Variants in ADCY7 observed in about 807,000 individuals in gnomAD.
ADCY7 encodes the protein adenylate cyclase 7, also known as adenylate cyclase type 7.
A neutral mutation model predicts 120.6 loss-of-function variants in ADCY7; 72 were observed. The ratio of observed to expected loss-of-function variants is 0.60; its 90% confidence interval spans 0.49 to 0.73. The LOEUF (loss-of-function observed/expected upper bound fraction) is 0.73. Among genes scored for constraint, ADCY7 ranks in the 30% least tolerant of loss-of-function variants. The pLI, the probability that ADCY7 is intolerant of heterozygous loss-of-function variation, is 0.00. For missense variants in ADCY7, 1,227 were observed against 1,486.0 expected (o/e 0.83, Z 2.87); for synonymous variants, 661 against 628.0 (o/e 1.05, Z -0.78).
chr16:50,251,268 A>G (rs2032749136), intron 1 of ADCY7, among the ~76,000 whole-genome samples: 1 of 152,118 alleles, frequency 6.6e-6, no homozygotes, highest in Admixed American at 6.5e-5. Context: ...AAAGAAAAAA[A>G]AGCCTGTCTT....
rs188613986 is a variant in ADCY7 at position 50,316,567 on chromosome 16, G to A, written c.*1062G>A. 6.6e-6 allele frequency: 1 copy of A among 152,410 alleles called. No homozygotes were observed. The highest frequency in any genetic ancestry group is 1.9e-4 in the East Asian group (1 of 5,324). The allele number at this position is 152,410 out of a possible 1,614,324, so 9.4% of individuals were successfully genotyped here. On this transcript the variant is annotated 3_prime_UTR_variant, in exon 26 of 26. Coordinates refer to ENST00000673801, the MANE Select transcript of ADCY7 (RefSeq NM_001114.5). ...ACTCTGGAGAGCTTCAAAACTAGAAGGATCTACTCCGCATGGGTGCATGCA... is the reference window on the plus strand; with the variant it reads ...ACTCTGGAGAGCTTCAAAACTAGAAAGATCTACTCCGCATGGGTGCATGCA...
rs762360875 is a variant in ADCY7, at chr16:50,315,533, G to A, written c.*28G>A. On this transcript the variant is annotated 3_prime_UTR_variant, in exon 26 of 26. Transcript: ENST00000673801. ...GCTCCTGCTGGATTCCGAAAAGGCC[G>A]GGAAGCCAGTCTCCTTCCCTGAAGC... The A allele has an allele frequency of 6.5e-5, 103 of 1,595,406 alleles. 1 individual carries two copies. Among genetic ancestry groups the A allele is most frequent in the South Asian group, 2.6e-4 (24 of 90,716 alleles).
chr16:50,274,567 AG>A (rs2033766205), intron 1 of ADCY7, among the ~76,000 whole-genome samples: 1 of 152,088 alleles, frequency 6.6e-6, no homozygotes, highest in South Asian at 2.1e-4. Flanking sequence ...TCGGGTTCTC[AG>A]GAAGCCTCGG....
chr16:50,249,445 AAAC>A lies in ADCY7; in HGVS notation c.-64+3269_-64+3271del, dbSNP rs57815436. ...GGGCGACAGAGCAAGACTCCGTCTA[AAAC>A]AACAACAACAACAACAACAACAACA... is the stretch of plus-strand genomic sequence containing the variant. On this transcript the variant is annotated intron_variant, in intron 1 of 4. Coordinates refer to the ADCY7 transcript ENST00000564044. Among the ~76,000 whole-genome samples the A allele has an allele frequency of 8.3e-3, 1,245 of 150,156 alleles. 17 individuals are homozygous for A. Among genetic ancestry groups the A allele is most frequent in the African/African-American group, 0.027 (1,087 of 40,932 alleles).
At chr16:50,249,650 C>A (rs1186540939) in intron 1 of ADCY7, among the ~76,000 whole-genome samples, 1 of 152,234 alleles carries the variant, frequency 6.6e-6, no homozygotes, top group Non-Finnish European at 1.5e-5. Context: ...GCACTCCTGG[C>A]CCCAGCCCTC....
At chr16:50,314,444 C>T (rs370782540) in intron 24 of ADCY7, 38 bp downstream of exon 24, 75 of 1,523,886 alleles carry the variant, frequency 4.9e-5, no homozygotes, top group Non-Finnish European at 6.7e-5. Context: ...GGAGCCCCTG[C>T]CTCTAGGCCA....
At chr16:50,247,655 C>T (rs2032633327) in intron 1 of ADCY7, among the ~76,000 whole-genome samples, 2 of 148,334 alleles carry the variant, frequency 1.3e-5, no homozygotes, top group Admixed American at 1.4e-4. Context: ...GCTGAGATTA[C>T]AGGTGTGAGC....
upstream of ADCY7, among the ~76,000 whole-genome samples, chr16:50,265,124 A>G (rs2033163571): frequency 6.6e-6 from 1 of 152,166 alleles, no homozygotes; most frequent in Non-Finnish European, 1.5e-5. Flanking sequence ...GGCATGAGCC[A>G]CCATGCCAAG....
Position 50,291,631 on chromosome 16 carries a change from A to G in ADCY7, c.376-105A>G, listed in dbSNP as rs1197845911. 3.6e-6 allele frequency: 5 copies of G among 1,387,230 alleles called. No individual in the cohort carries two copies. The South Asian group carries it at 3.6e-5, about 10-fold the overall frequency. The allele number at this position is 1,387,230 out of a possible 1,614,324, so 85.9% of individuals were successfully genotyped here. On this transcript the variant is annotated intron_variant, in intron 3 of 25. Transcript: ENST00000673801. ...CACGCAGGGGGTGGCGAGGGAGCCAACCTAAGGATACGCACTGGGTGGGCT... is the reference window on the plus strand; with the variant it reads ...CACGCAGGGGGTGGCGAGGGAGCCAGCCTAAGGATACGCACTGGGTGGGCT...
intron 1 of ADCY7, among the ~76,000 whole-genome samples, chr16:50,246,897 G>T (rs922613945): frequency 6.6e-6 from 1 of 152,234 alleles, no homozygotes; most frequent in Non-Finnish European, 1.5e-5. Context: ...TCCCTCAAAG[G>T]CCAGGAACTC....
In ADCY7 at chr16:50,297,261, CCTCT is replaced by C. The variant is rs80235531; in HGVS notation, c.949-1639_949-1636del. Among the ~76,000 whole-genome samples, 71,573 of 151,692 alleles carry C rather than the reference CCTCT, an allele frequency of 0.47. 17,345 individuals carry two copies. The highest frequency in any genetic ancestry group is 0.58 in the Middle Eastern group (170 of 294). On this transcript the variant is annotated intron_variant, in intron 7 of 25. Coordinates refer to ENST00000673801, the MANE Select transcript of ADCY7 (RefSeq NM_001114.5). The surrounding 1 kb of genome is among the most constrained non-coding windows in gnomAD (Gnocchi z 4.4). The stretch of plus-strand genomic sequence containing the variant: ...AAGCTCTTTCCAAGAGCCAGGGCCT[CCTCT>C]CTCAGAGGCATACAAGTCACACCTC...
At chr16:50,310,987 C>G in intron 19 of ADCY7, 107 bp downstream of exon 19, 1 of 1,166,380 alleles carries the variant, frequency 8.6e-7, no homozygotes, top group Non-Finnish European at 1.2e-6. Flanking sequence ...GGGCACCTTG[C>G]AGGGCGGGGC....
chr16:50,270,032 A>G (rs2033455159), intron 1 of ADCY7, among the ~76,000 whole-genome samples: 1 of 152,094 alleles, frequency 6.6e-6, no homozygotes, highest in African/African-American at 2.4e-5. Flanking sequence ...CTAGGAAAAA[A>G]TTACAAATAT....
rs1052366165 is a variant in ADCY7 at position 50,316,474 on chromosome 16, G to A, written c.*969G>A. The A allele has an allele frequency of 5.3e-5, 8 of 152,330 alleles. No individual in the cohort carries two copies. Among genetic ancestry groups the A allele is most frequent in the African/African-American group, 1.7e-4 (7 of 41,444 alleles). 9.4% of individuals were successfully genotyped at this position (152,330 alleles called of 1,614,324 possible). ...TTACTTTTCTTACCAGAAAGGAATGGAGTCTGTTTAGAGACAACTTGGACA... is the reference window on the plus strand; with the variant it reads ...TTACTTTTCTTACCAGAAAGGAATGAAGTCTGTTTAGAGACAACTTGGACA... On this transcript the variant is annotated 3_prime_UTR_variant, in exon 26 of 26. Transcript: ENST00000673801.
rs151277036 is a variant in ADCY7 at position 50,290,599 on chromosome 16, T to C, written c.314T>C (p.Val105Ala). ...GCGCTGCTCACCTGGGCCTGCTTGG[T>C]GGCGCTGGGCTATGTGCTGGTGTTC... ...ALALLTWACL[V>A]ALGYVLVFDA... is the part of the protein sequence containing the mutation. The change falls in exon 3 of 26, where the codon GTG (valine) becomes GCG (alanine). Residue 105 changes from valine (V) to alanine (A), a missense_variant. Physicochemically the swap from Val to Ala is moderately conservative, Grantham distance 64. Transcript: ENST00000673801. The C allele has an allele frequency of 6.9e-5, 112 of 1,614,128 alleles. No homozygotes were observed. In the African/African-American group the frequency reaches 1.4e-3, roughly 20 times the overall value.
rs1050900043 is a variant in ADCY7 at position 50,316,744 on chromosome 16, CTG to C, written c.*1241_*1242del. 2.6e-5 allele frequency: 4 copies of C among 152,376 alleles called. No individual in the cohort carries two copies. Among genetic ancestry groups the C allele is most frequent in the African/African-American group, 9.6e-5 (4 of 41,464 alleles). The allele number at this position is 152,376 out of a possible 1,614,324, so 9.4% of individuals were successfully genotyped here. A position where few individuals can be genotyped will look rare whatever the true frequency, so the allele number is the denominator to read the frequency against. ...CCCAAGGAATTGAAAGTCAACCTAA[CTG>C]TAACAACAGGGTGAGAAATGACCAA... On this transcript the variant is annotated 3_prime_UTR_variant, in exon 26 of 26. Coordinates refer to ENST00000673801, the MANE Select transcript of ADCY7 (RefSeq NM_001114.5).
In ADCY7 at chr16:50,303,116, A is replaced by C. The variant is rs566353072; in HGVS notation, c.1369-1244A>C. ...GGCTGGGGTGTCTGGATTCTCTGCTAAGTGCCAGTGACCTTGAACTTGAGT... is the reference window on the plus strand; with the variant it reads ...GGCTGGGGTGTCTGGATTCTCTGCTCAGTGCCAGTGACCTTGAACTTGAGT... On this transcript the variant is annotated intron_variant, in intron 10 of 25. Coordinates refer to ENST00000673801, the MANE Select transcript of ADCY7 (RefSeq NM_001114.5). Among the ~76,000 whole-genome samples, 6 of 152,256 alleles carry C rather than the reference A, an allele frequency of 3.9e-5. No homozygotes were observed. In the East Asian group the frequency reaches 1.2e-3, roughly 29 times the overall value.
In ADCY7 at chr16:50,292,720, C is replaced by A; in HGVS notation, c.582C>A (p.Gly194=). Residue 194 remains glycine (G), a synonymous_variant, in exon 5 of 26, where the codon GGC becomes GGA. Coordinates refer to ENST00000673801, the MANE Select transcript of ADCY7 (RefSeq NM_001114.5). The part of the protein sequence containing the change: ...AVIFLCGNLT[G]AFHKHQMQDA... ...TCTTCCTGTGTGGGAACCTGACAGG[C>A]GCCTTCCACAAGCACCAAATGCAGG... The A allele has an allele frequency of 1.2e-6, 2 of 1,614,024 alleles. No individual in the cohort carries two copies. Among genetic ancestry groups the A allele is most frequent in the Non-Finnish European group, 1.7e-6 (2 of 1,180,002 alleles).
At chr16:50,312,793 G>A in intron 21 of ADCY7, 97 bp from the exon 22 acceptor site, 2 of 1,242,200 alleles carry the variant, frequency 1.6e-6, no homozygotes, top group Non-Finnish European at 2.2e-6. Flanking sequence ...AAGCTGGGCT[G>A]GGCAGTTCAG....
Sources: gnomAD v4.1 joint callset for allele counts (sites outside exome capture counted in the v4.1 genomes callset) on GRCh38, gnomAD v4.1.1 for gene constraint, Gnocchi (gnomAD v3.1) non-coding constraint, MANE v1.5 for transcripts, NCBI Gene and HGNC (gene_info 2026-07-23, HGNC 2026-07-21) for gene names.